DOCK5: variants seen among roughly 807,000 people sequenced by gnomAD.
DOCK5 encodes dedicator of cytokinesis 5.
A neutral mutation model predicts 251.8 loss-of-function variants in DOCK5; 142 were observed. The ratio of observed to expected loss-of-function variants is 0.56; its 90% CI spans 0.49 to 0.65. DOCK5 has a LOEUF of 0.65. Among genes scored for constraint, DOCK5 ranks in the 30% least tolerant of loss-of-function variants. The probability of loss-of-function intolerance (pLI) is 0.00; values close to 1 mark genes in which losing one functional copy is unlikely to be tolerated. For missense variants in DOCK5, 2,111 were observed against 2,312.3 expected (o/e 0.91, Z 1.79); for synonymous variants, 842 against 835.5 (o/e 1.01, Z -0.13).
intron 33 of DOCK5, 148 bp downstream of exon 33, chr8:25,368,873 TTAGAGA>T: frequency 4.9e-6 from 5 of 1,027,890 alleles, no homozygotes; most frequent in Non-Finnish European, 6.7e-6. Context: ...TATAAAGCAA[TTAGAGA>T]TAGAGTCAGA....
Position 25,412,225 on chromosome 8 carries a change from C to T in DOCK5, c.*927C>T, listed in dbSNP as rs565232742. 1 of 151,776 alleles carries T rather than the reference C, an allele frequency of 6.6e-6. No homozygotes were observed. The highest frequency in any genetic ancestry group is 1.5e-5 in the Non-Finnish European group (1 of 68,016). The allele number at this position is 151,776 out of a possible 1,614,324, so 9.4% of individuals were successfully genotyped here. On this transcript the variant is annotated 3_prime_UTR_variant, in exon 52 of 52. Coordinates refer to ENST00000276440, the MANE Select transcript of DOCK5 (RefSeq NM_024940.8). ...AGCCGCATCTGCTACCTGATTTTAT[C>T]CTGGAGAATACAGTGCAATATTTCT...
At chr8:25,341,425 T>C (rs1805952153) in intron 23 of DOCK5, among the ~76,000 whole-genome samples, 1 of 152,182 alleles carries the variant, frequency 6.6e-6, no homozygotes, top group Non-Finnish European at 1.5e-5. Context: ...TTAATATTTA[T>C]TTTTTGCTCT....
chr8:25,337,752 A>T lies in DOCK5; in HGVS notation c.2327+1379A>T, dbSNP rs563233856. 4.6e-5 allele frequency among the ~76,000 whole-genome samples: 7 copies of T among 151,640 alleles called. No individual in the cohort carries two copies. The South Asian group carries it at 1.5e-3, about 32-fold the overall frequency. ...AGGTGCATACCACCATGCCCAGCTAATTTTTTTGTATTTTTAGTAGCGATG... is the reference window on the plus strand; with the variant it reads ...AGGTGCATACCACCATGCCCAGCTATTTTTTTTGTATTTTTAGTAGCGATG... On this transcript the variant is annotated intron_variant, in intron 22 of 51. Coordinates refer to ENST00000276440, the MANE Select transcript of DOCK5 (RefSeq NM_024940.8).
Position 25,265,317 on chromosome 8 carries a change from TTC to T in DOCK5, c.128-3527_128-3526del, listed in dbSNP as rs200513292. Among the ~76,000 whole-genome samples, 648 of 152,094 alleles carry T rather than the reference TTC, an allele frequency of 4.3e-3. 25 individuals are homozygous for T. Among genetic ancestry groups the T allele is most frequent in the African/African-American group, 0.015 (622 of 41,322 alleles). On this transcript the variant is annotated intron_variant, in intron 2 of 51. Coordinates refer to ENST00000276440, the MANE Select transcript of DOCK5 (RefSeq NM_024940.8). ...GAGAACCAGGCCTCCTCTAACTACCTTCGTATTGCCTCTCCCCATTTCAGTCT... is the reference window on the plus strand; with the variant it reads ...GAGAACCAGGCCTCCTCTAACTACCTGTATTGCCTCTCCCCATTTCAGTCT...
intron 48 of DOCK5, among the ~76,000 whole-genome samples, chr8:25,405,832 A>C (rs1157881467): frequency 6.6e-6 from 1 of 151,946 alleles, no homozygotes; most frequent in Non-Finnish European, 1.5e-5. Flanking sequence ...CAATATATTT[A>C]AATAATATAT....
rs538884467 is a variant in DOCK5, at chr8:25,411,070, A to G, written c.5509-124A>G. On this transcript the variant is annotated intron_variant, in intron 51 of 51. Transcript: ENST00000276440. Reference sequence around the variant, plus strand: ...AGTGTAGTTTTCCATTTCACTTTGCAAAGCCTGTGTAGATAAACTCAGATC... The same window carrying G: ...AGTGTAGTTTTCCATTTCACTTTGCGAAGCCTGTGTAGATAAACTCAGATC... 8.7e-5 allele frequency: 111 copies of G among 1,278,058 alleles called. No individual in the cohort carries two copies. The African/African-American group carries it at 1.6e-3, about 19-fold the overall frequency. The allele number at this position is 1,278,058 out of a possible 1,614,324, so 79.2% of individuals were successfully genotyped here. A position where few individuals can be genotyped will look rare whatever the true frequency, so the allele number is the denominator to read the frequency against.
chr8:25,266,365 G>A (rs1391867670), intron 2 of DOCK5, among the ~76,000 whole-genome samples: 1 of 151,410 alleles, frequency 6.6e-6, no homozygotes, highest in Non-Finnish European at 1.5e-5. Context: ...ACAGGCACCC[G>A]CCACCACGCC....
At chr8:25,187,181 A>G (rs1189249929) in intron 1 of DOCK5, among the ~76,000 whole-genome samples, 1 of 150,806 alleles carries the variant, frequency 6.6e-6, no homozygotes, top group Non-Finnish European at 1.5e-5. Context: ...AGCCTGGGTG[A>G]TACTGTGAGA....
In DOCK5 at chr8:25,266,810, C is replaced by G. The variant is rs1354642770; in HGVS notation, c.128-2035C>G. ...TGCCTTTAGGTAGGGCTTACACACA[C>G]ACCACAATTCTAGAGAAGACATAGG... is the stretch of plus-strand genomic sequence containing the variant. On this transcript the variant is annotated intron_variant, in intron 2 of 51. Coordinates refer to ENST00000276440, the MANE Select transcript of DOCK5 (RefSeq NM_024940.8). 2.0e-5 allele frequency among the ~76,000 whole-genome samples: 3 copies of G among 149,288 alleles called. No individual in the cohort carries two copies. In the East Asian group the frequency reaches 5.8e-4, roughly 29 times the overall value.
At chr8:25,259,350 G>T (rs1304919722) in intron 2 of DOCK5, among the ~76,000 whole-genome samples, 1 of 152,206 alleles carries the variant, frequency 6.6e-6, no homozygotes. Context: ...TGGCAGGTAG[G>T]AGGCCTGTGT....
chr8:25,356,764 A>C (rs1041792025), intron 27 of DOCK5, among the ~76,000 whole-genome samples: 2 of 152,010 alleles, frequency 1.3e-5, no homozygotes, highest in Non-Finnish European at 2.9e-5. Context: ...TGTTCAATTA[A>C]AAAAAGTTGT....
chr8:25,294,160 A>T (rs76346543), intron 6 of DOCK5, among the ~76,000 whole-genome samples: 1 of 152,174 alleles, frequency 6.6e-6, no homozygotes, highest in Non-Finnish European at 1.5e-5. Context: ...ACGGCAGAAC[A>T]TGACTTCTTT....
intron 1 of DOCK5, among the ~76,000 whole-genome samples, chr8:25,227,913 C>A (rs1802571368): frequency 6.6e-6 from 1 of 152,052 alleles, no homozygotes; most frequent in Non-Finnish European, 1.5e-5. Flanking sequence ...GAGACAAGGT[C>A]TCTCTCTGTC....
intron 1 of DOCK5, among the ~76,000 whole-genome samples, chr8:25,190,773 TG>T (rs1201458430): frequency 0.15 from 11,853 of 79,448 alleles, 4,082 homozygotes; most frequent in Middle Eastern, 0.26. Flanking sequence ...AACTTGGTCA[TG>T]GGTTTTTTTT....
At chr8:25,206,013 G>A (rs971321182) in intron 1 of DOCK5, among the ~76,000 whole-genome samples, 3 of 152,026 alleles carry the variant, frequency 2.0e-5, no homozygotes, top group Admixed American at 6.6e-5. Context: ...GAAAAAAGTT[G>A]CAAAAAAAGT....
intron 13 of DOCK5, among the ~76,000 whole-genome samples, chr8:25,312,803 G>A (rs1271534625): frequency 6.6e-6 from 1 of 150,872 alleles, no homozygotes; most frequent in African/African-American, 2.4e-5. Context: ...GGTGGCGCAT[G>A]CCTGTAATCC....
At chr8:25,374,488 C>T in intron 36 of DOCK5, 76 bp from the exon 37 acceptor site, 2 of 1,363,828 alleles carry the variant, frequency 1.5e-6, no homozygotes, top group Non-Finnish European at 2.0e-6. Flanking sequence ...TACAGCAAGA[C>T]CCTGTCTCAA....
intron 1 of DOCK5, among the ~76,000 whole-genome samples, chr8:25,218,819 A>G (rs556533410): frequency 6.6e-6 from 1 of 152,266 alleles, no homozygotes; most frequent in South Asian, 2.1e-4. Flanking sequence ...CCAGGAAGAG[A>G]GCTTAGGTGG....
At chr8:25,320,148 G>C (rs1414176432) in intron 15 of DOCK5, among the ~76,000 whole-genome samples, 2 of 152,162 alleles carry the variant, frequency 1.3e-5, no homozygotes, top group African/African-American at 4.8e-5. Flanking sequence ...ATTAGGTACT[G>C]AAGTTCAAAG....
Sources: allele counts gnomAD v4.1 joint callset (sites outside exome capture counted in the v4.1 genomes callset), GRCh38; gene constraint gnomAD v4.1.1; transcripts MANE v1.5; gene names NCBI Gene and HGNC (gene_info 2026-07-23, HGNC 2026-07-21).